The following CREB5 variants were observed in gnomAD, a reference collection of about 807,000 sequenced individuals.
CREB5 encodes cAMP responsive element binding protein 5, also known as cyclic AMP-responsive element-binding protein 5.
Under a neutral mutation model 57.1 loss-of-function variants are expected in CREB5, and 19 were observed. The observed-to-expected ratio is 0.33, with a 90% CI of 0.23 to 0.49. The LOEUF (loss-of-function observed/expected upper bound fraction) is 0.49. Ranked by LOEUF, CREB5 falls within the 20% of genes least tolerant of loss-of-function variation. The pLI, the probability that CREB5 is intolerant of heterozygous loss-of-function variation, is 0.99. For synonymous variants in CREB5, 238 were observed against 238.3 expected (o/e 1.00, Z 0.01); for missense variants, 579 against 671.6 (o/e 0.86, Z 1.52).
At chr7:28,752,421 C>T (rs1220746479) in intron 7 of CREB5, among the ~76,000 whole-genome samples, 1 of 152,194 alleles carries the variant, frequency 6.6e-6, no homozygotes, top group Non-Finnish European at 1.5e-5. Context: ...CCTGCCTCAG[C>T]CTCCCATATT....
Position 28,449,727 on chromosome 7 carries a change from G to A in CREB5, c.3+36810G>A, listed in dbSNP as rs149068151. On this transcript the variant is annotated intron_variant, in intron 1 of 10. Coordinates refer to ENST00000357727, the MANE Select transcript of CREB5 (RefSeq NM_182898.4). Reference sequence around the variant, plus strand: ...ATCCTTCTCTGGGGGACCTGAGGTCGTAACTCAAGGGCCTCTCAAAGAAGA... The same window carrying A: ...ATCCTTCTCTGGGGGACCTGAGGTCATAACTCAAGGGCCTCTCAAAGAAGA... Among the ~76,000 whole-genome samples the A allele has an allele frequency of 2.6e-3, 402 of 152,288 alleles. 2 individuals carry two copies. The highest frequency in any genetic ancestry group is 5.0e-3 in the Non-Finnish European group (337 of 68,018).
intron 7 of CREB5, among the ~76,000 whole-genome samples, chr7:28,750,034 G>C (rs1804892125): frequency 6.6e-6 from 1 of 151,996 alleles, no homozygotes; most frequent in Admixed American, 6.6e-5. Context: ...ATATGTAAAT[G>C]ATAAAGTATG....
intron 5 of CREB5, among the ~76,000 whole-genome samples, chr7:28,629,685 C>G (rs1044980552): frequency 6.6e-6 from 1 of 152,168 alleles, no homozygotes; most frequent in Non-Finnish European, 1.5e-5. Flanking sequence ...GTTCTCAAAG[C>G]TCTGACCATC....
chr7:28,396,646 T>G (rs1377031424), intron 1 of CREB5, among the ~76,000 whole-genome samples: 1 of 152,198 alleles, frequency 6.6e-6, no homozygotes, highest in Non-Finnish European at 1.5e-5. Context: ...GAAATATATT[T>G]TTTTCTATAA....
chr7:28,330,799 G>T lies in CREB5; in HGVS notation c.-25+31358G>T, dbSNP rs73293228. Among the ~76,000 whole-genome samples, 942 of 152,242 alleles carry T rather than the reference G, an allele frequency of 6.2e-3. 12 individuals are homozygous for T. Among genetic ancestry groups the T allele is most frequent in the African/African-American group, 0.022 (903 of 41,548 alleles). ...GACACATTCAAATTTGCAGTAATTG[G>T]ACTTGTTTTTCCTAAAAGCCAAAAT... On this transcript the variant is annotated intron_variant, in intron 1 of 9. Coordinates refer to the CREB5 transcript ENST00000396299.
At chr7:28,515,992 G>A (rs911924506) in intron 4 of CREB5, among the ~76,000 whole-genome samples, 1 of 151,960 alleles carries the variant, frequency 6.6e-6, no homozygotes, top group African/African-American at 2.4e-5. Flanking sequence ...AGGATCACTT[G>A]AGCTCAGGAG....
chr7:28,515,885 A>G (rs1792925960), intron 4 of CREB5, among the ~76,000 whole-genome samples: 1 of 79,458 alleles, frequency 1.3e-5, no homozygotes, highest in Admixed American at 1.6e-4. Flanking sequence ...AAAAACAAAA[A>G]CTAACAGAAA....
intron 1 of CREB5, among the ~76,000 whole-genome samples, chr7:28,349,688 C>A (rs1786150842): frequency 6.6e-6 from 1 of 152,214 alleles, no homozygotes; most frequent in Admixed American, 6.5e-5. Context: ...TGACCAGGGA[C>A]TTTAATTTCA....
At chr7:28,515,275 G>C (rs188847952) in intron 4 of CREB5, among the ~76,000 whole-genome samples, 1 of 152,306 alleles carries the variant, frequency 6.6e-6, no homozygotes, top group African/African-American at 2.4e-5. Flanking sequence ...TATGTGGACC[G>C]TCTTGGCCTT....
intron 4 of CREB5, among the ~76,000 whole-genome samples, chr7:28,548,095 G>T (rs1437402427): frequency 1.3e-5 from 2 of 152,172 alleles, no homozygotes; most frequent in African/African-American, 2.4e-5. Context: ...GGTAAATTTT[G>T]TGACCAGGTA....
intron 5 of CREB5, among the ~76,000 whole-genome samples, chr7:28,628,207 G>A (rs767200990): frequency 6.6e-6 from 1 of 151,664 alleles, no homozygotes; most frequent in East Asian, 1.9e-4. Flanking sequence ...TTAGGGTCTC[G>A]AGACCCTAAA....
intron 1 of CREB5, among the ~76,000 whole-genome samples, chr7:28,305,926 C>CGT (rs139654206): frequency 0.016 from 2,361 of 150,460 alleles, 23 homozygotes; most frequent in Middle Eastern, 0.024. Context: ...ATAGTGTGTG[C>CGT]GTGTGTGTGT....
At chr7:28,510,945 A>G (rs116909966) in intron 4 of CREB5, among the ~76,000 whole-genome samples, 192 of 152,298 alleles carry the variant, frequency 1.3e-3, no homozygotes, top group Non-Finnish European at 1.8e-3. Flanking sequence ...CCTGAAATAT[A>G]TAAGAAATTT....
At chr7:28,545,392 G>A (rs1794374049) in intron 4 of CREB5, among the ~76,000 whole-genome samples, 1 of 152,160 alleles carries the variant, frequency 6.6e-6, no homozygotes, top group Non-Finnish European at 1.5e-5. Flanking sequence ...CCTACTTATT[G>A]TGCAGGCAGT....
At chr7:28,713,425 G>A (rs1387425242) in intron 5 of CREB5, among the ~76,000 whole-genome samples, 1 of 152,194 alleles carries the variant, frequency 6.6e-6, no homozygotes, top group Non-Finnish European at 1.5e-5. Flanking sequence ...AAAGAAGCAT[G>A]AGTCCCGTGG....
chr7:28,614,580 T>C (rs1797526114), intron 5 of CREB5, among the ~76,000 whole-genome samples: 1 of 152,176 alleles, frequency 6.6e-6, no homozygotes, highest in Non-Finnish European at 1.5e-5. Flanking sequence ...TGAGAGCCCC[T>C]TGCACTTCCA....
At position 28,736,691 on chromosome 7, in the gene CREB5, G is replaced by A. The variant is rs540864811; in HGVS notation, c.702+12359G>A. ...GAGGACTAGCTGACCCTTCCATGCT[G>A]TCTTTGCTTTGGTTACCTTAAAGCA... is the stretch of plus-strand genomic sequence containing the variant. On this transcript the variant is annotated intron_variant, in intron 7 of 10. Coordinates refer to ENST00000357727, the MANE Select transcript of CREB5 (RefSeq NM_182898.4). Among the ~76,000 whole-genome samples the A allele has an allele frequency of 3.9e-5, 6 of 152,252 alleles. No individual in the cohort carries two copies. The South Asian group carries it at 1.0e-3, about 26-fold the overall frequency.
At chr7:28,652,971 T>A (rs905610621) in intron 5 of CREB5, among the ~76,000 whole-genome samples, 2 of 152,150 alleles carry the variant, frequency 1.3e-5, no homozygotes, top group African/African-American at 4.8e-5. Flanking sequence ...CTAGGAAAAA[T>A]CTTTAGACTT....
intron 1 of CREB5, among the ~76,000 whole-genome samples, chr7:28,459,074 C>G (rs879495892): frequency 6.6e-6 from 1 of 152,296 alleles, no homozygotes; most frequent in Non-Finnish European, 1.5e-5. Flanking sequence ...GTCAGAGCCT[C>G]CATTCTGCTC....
Sources: gnomAD v4.1 joint callset for allele counts (sites outside exome capture counted in the v4.1 genomes callset) on GRCh38, gnomAD v4.1.1 for gene constraint, MANE v1.5 for transcripts, NCBI Gene and HGNC (gene_info 2026-07-23, HGNC 2026-07-21) for gene names.